SHOC1: variants seen among roughly 807,000 people sequenced by gnomAD.
SHOC1 encodes shortage in chiasmata 1.
In SHOC1, 136 loss-of-function variants were observed where a neutral mutation model predicts 179.2. That is an observed-to-expected ratio of 0.76 (90% CI 0.66 to 0.87). The LOEUF (loss-of-function observed/expected upper bound fraction) is 0.87, where lower values mean the gene tolerates loss of function less well. Among genes scored for constraint, SHOC1 ranks in the 40% least tolerant of loss-of-function variants. The pLI is 0.00. For synonymous variants in SHOC1, 489 were observed against 586.6 expected (o/e 0.83, Z 2.41); for missense variants, 1,538 against 1,700.8 (o/e 0.90, Z 1.68).
At chr9:111,704,531 T>G (rs1232667631) in intron 21 of SHOC1, among the ~76,000 whole-genome samples, 2 of 152,144 alleles carry the variant, frequency 1.3e-5, no homozygotes. Context: ...TACAGGTACA[T>G]ACCATCATGC....
At chr9:111,764,456 T>C (rs1835267790) in intron 5 of SHOC1, among the ~76,000 whole-genome samples, 2 of 152,212 alleles carry the variant, frequency 1.3e-5, no homozygotes, top group Non-Finnish European at 2.9e-5. Flanking sequence ...GGGGGGACTA[T>C]TGTACAATAA....
chr9:111,706,631 A>G lies in SHOC1; in HGVS notation c.2674T>C (p.Cys892Arg), dbSNP rs769167856. The change falls in exon 20 of 28, where the codon TGC becomes CGC. Residue 892 changes from cysteine (C) to arginine (R), a missense_variant. Physicochemically the swap from Cys to Arg is radical, Grantham distance 180. Coordinates refer to ENST00000682961, the MANE Select transcript of SHOC1 (RefSeq NM_001378211.1). ...ATGTAAGGAATATTCAACTCTTTGC[A>G]GTGTTTAGTCCAACAAGAGTCTTCC... The part of the protein sequence containing the change: ...YVEDSCWTKH[C>R]KELNIPYMAF... 1 of 1,606,482 alleles carries G rather than the reference A, an allele frequency of 6.2e-7. No individual in the cohort carries two copies. The highest frequency in any genetic ancestry group is 2.3e-5 in the East Asian group (1 of 44,400).
chr9:111,738,237 C>G, intron 12 of SHOC1, 43 bp downstream of exon 12: 1 of 1,523,980 alleles, frequency 6.6e-7, no homozygotes, highest in Non-Finnish European at 9.0e-7. Flanking sequence ...TTTTCACATT[C>G]TGAAAATGTT....
chr9:111,704,033 A>T (rs779859362), intron 21 of SHOC1, 41 bp from the exon 22 acceptor site: 3 of 1,097,492 alleles, frequency 2.7e-6, no homozygotes, highest in Middle Eastern at 2.1e-4. Context: ...ATGAAATGCT[A>T]ATAAAATTAT....
At chr9:111,769,768 A>T (rs1391598857) in intron 5 of SHOC1, among the ~76,000 whole-genome samples, 1 of 152,122 alleles carries the variant, frequency 6.6e-6, no homozygotes, top group Non-Finnish European at 1.5e-5. Flanking sequence ...CATGCCTGTG[A>T]TTCAATCTTG....
In SHOC1 at chr9:111,786,063, C is replaced by A. The variant is rs1256235823; in HGVS notation, c.46-28G>T. 1.6e-5 allele frequency: 22 copies of A among 1,410,640 alleles called. No homozygotes were observed. The Admixed American group carries it at 5.5e-4, about 35-fold the overall frequency. 87.4% of individuals were successfully genotyped at this position (1,410,640 alleles called of 1,614,324 possible). The stretch of plus-strand genomic sequence containing the variant: ...GTGGAAGAAAGAAAGATTAGAAAAT[C>A]TTTTAACATGTACTATTTATCAATA... On this transcript the variant is annotated intron_variant, in intron 2 of 27. Coordinates refer to ENST00000682961, the MANE Select transcript of SHOC1 (RefSeq NM_001378211.1).
At chr9:111,766,512 A>G (rs970120949) in intron 5 of SHOC1, among the ~76,000 whole-genome samples, 4 of 152,178 alleles carry the variant, frequency 2.6e-5, no homozygotes, top group Admixed American at 6.5e-5. Context: ...ATGGTGTACA[A>G]GAGTTCCCAT....
At chr9:111,775,212 C>G (rs1232312822) in intron 5 of SHOC1, among the ~76,000 whole-genome samples, 3 of 152,022 alleles carry the variant, frequency 2.0e-5, no homozygotes, top group Non-Finnish European at 4.4e-5. Flanking sequence ...CCAAGCTGGT[C>G]TCAAACTCTT....
chr9:111,757,263 T>C (rs1206868143), intron 7 of SHOC1, among the ~76,000 whole-genome samples: 3 of 152,048 alleles, frequency 2.0e-5, no homozygotes, highest in African/African-American at 2.4e-5. Context: ...CCACTATGCC[T>C]GGCTAATTTT....
At chr9:111,784,391 T>C (rs999224171) in intron 3 of SHOC1, among the ~76,000 whole-genome samples, 6 of 152,288 alleles carry the variant, frequency 3.9e-5, no homozygotes, top group Middle Eastern at 3.4e-3. Flanking sequence ...TAAAATAAGC[T>C]AGATTTTAAG....
At chr9:111,714,318 G>A in intron 17 of SHOC1, 127 bp downstream of exon 17, 1 of 805,508 alleles carries the variant, frequency 1.2e-6, no homozygotes, top group Non-Finnish European at 1.9e-6. Context: ...CTTATTCAAG[G>A]ACTAAACCAT....
At chr9:111,716,914 C>T (rs1026384036) in intron 16 of SHOC1, among the ~76,000 whole-genome samples, 1 of 152,156 alleles carries the variant, frequency 6.6e-6, no homozygotes, top group African/African-American at 2.4e-5. Flanking sequence ...GGCTAAGAAC[C>T]CTACTTTACA....
chr9:111,738,636 A>C, intron 11 of SHOC1, 114 bp from the exon 12 acceptor site: 1 of 969,850 alleles, frequency 1.0e-6, no homozygotes, highest in Non-Finnish European at 1.4e-6. Flanking sequence ...TTTATGCATT[A>C]GAAAATAAGT....
intron 12 of SHOC1, among the ~76,000 whole-genome samples, chr9:111,737,699 C>A (rs943212260): frequency 1.9e-4 from 25 of 132,054 alleles, no homozygotes; most frequent in African/African-American, 4.8e-4. Flanking sequence ...CCCCCCCCCC[C>A]ACACACAAAA....
At chr9:111,776,390 T>A (rs549709071) in intron 4 of SHOC1, among the ~76,000 whole-genome samples, 1 of 152,246 alleles carries the variant, frequency 6.6e-6, no homozygotes, top group Non-Finnish European at 1.5e-5. Context: ...AACATCTATA[T>A]GCACTAATAA....
At chr9:111,735,840 C>T (rs1458778584) in intron 12 of SHOC1, among the ~76,000 whole-genome samples, 3 of 152,206 alleles carry the variant, frequency 2.0e-5, no homozygotes, top group African/African-American at 4.8e-5. Flanking sequence ...ACATCCTCTG[C>T]AGCATCTGTT....
chr9:111,697,993 T>C (rs1273144640), intron 24 of SHOC1, among the ~76,000 whole-genome samples: 1 of 152,246 alleles, frequency 6.6e-6, no homozygotes, highest in Non-Finnish European at 1.5e-5. Context: ...TGTCTTCTTT[T>C]GAGAAGTGTC....
Position 111,692,087 on chromosome 9 carries a change from A to T in SHOC1, c.3890T>A (p.Leu1297Ter). The change falls in exon 27 of 28, where the codon TTG (leucine) becomes TAG (stop). Residue 1297 changes from leucine (L) to a stop codon, truncating the protein, a stop_gained. Transcript: ENST00000682961. LOFTEE classifies it high-confidence loss of function. ...TTCACAGTTCATTTGTGTTAGACCCAAAGAAAAGACATCTGACTCTGAATC... is the reference window on the plus strand; with the variant it reads ...TTCACAGTTCATTTGTGTTAGACCCTAAGAAAAGACATCTGACTCTGAATC... The part of the protein sequence containing the change: ...HSDSESDVFS[L>*]GLTQMNCETI... The T allele has an allele frequency of 6.2e-7, 1 of 1,613,948 alleles. No homozygotes were observed. The highest frequency in any genetic ancestry group is 1.7e-4 in the Middle Eastern group (1 of 6,056).
intron 11 of SHOC1, 33 bp downstream of exon 11, chr9:111,741,434 CCTATACTTT>C (rs1475556806): frequency 9.0e-7 from 1 of 1,112,510 alleles, no homozygotes; most frequent in South Asian, 1.3e-5. Flanking sequence ...TACCTTTTTA[CCTATACTTT>C]CTATTTATCA....
Sources: gnomAD v4.1 joint callset for allele counts (sites outside exome capture counted in the v4.1 genomes callset) on GRCh38, gnomAD v4.1.1 for gene constraint, MANE v1.5 for transcripts, NCBI Gene and HGNC (gene_info 2026-07-23, HGNC 2026-07-21) for gene names.